The following CCM2 variants were observed in gnomAD, a reference collection of about 807,000 sequenced individuals.
CCM2 encodes cerebral cavernous malformations 2 protein.
Under a neutral mutation model 44.9 loss-of-function variants are expected in CCM2, and 25 were observed. That is an observed-to-expected ratio of 0.56 (90% CI 0.41 to 0.78). The LOEUF is 0.78. Among genes scored for constraint, CCM2 ranks in the 30% least tolerant of loss-of-function variants. The pLI, the probability that CCM2 is intolerant of heterozygous loss-of-function variation, is 0.00. For synonymous variants in CCM2, 219 were observed against 241.1 expected (o/e 0.91, Z 0.85); for missense variants, 481 against 580.6 (o/e 0.83, Z 1.76).
chr7:45,070,152 T>C, intron 6 of CCM2, 191 bp downstream of exon 6: 2 of 677,876 alleles, frequency 3.0e-6, no homozygotes, highest in South Asian at 3.8e-5. Flanking sequence ...CACCTGTCCT[T>C]GAGAGAGTTG....
chr7:45,041,640 A>C (rs964932979), intron 2 of CCM2, among the ~76,000 whole-genome samples: 1 of 152,234 alleles, frequency 6.6e-6, no homozygotes, highest in African/African-American at 2.4e-5. Flanking sequence ...CTCAGTGCAA[A>C]CCAAACATGA....
At chr7:45,013,272 A>G (rs896819947) in intron 1 of CCM2, among the ~76,000 whole-genome samples, 1 of 151,894 alleles carries the variant, frequency 6.6e-6, no homozygotes, top group South Asian at 2.1e-4. Flanking sequence ...TTTTTGGCAT[A>G]TATTTTCTTT....
At chr7:45,032,217 CTT>C (rs1015547680) in intron 1 of CCM2, among the ~76,000 whole-genome samples, 1 of 152,096 alleles carries the variant, frequency 6.6e-6, no homozygotes, top group African/African-American at 2.4e-5. Context: ...AAAAAAGAAA[CTT>C]AGGGTAGCTG....
intron 1 of CCM2, among the ~76,000 whole-genome samples, chr7:45,005,250 G>C (rs1358262751): frequency 6.6e-6 from 1 of 152,186 alleles, no homozygotes; most frequent in East Asian, 1.9e-4. Flanking sequence ...GCAACATAAG[G>C]CTGGTTACTT....
chr7:45,041,786 G>C (rs1365713860), intron 2 of CCM2, among the ~76,000 whole-genome samples: 1 of 152,190 alleles, frequency 6.6e-6, no homozygotes, highest in Non-Finnish European at 1.5e-5. Context: ...AAGGAACCTT[G>C]TGTGGTTCTG....
chr7:45,045,372 A>C (rs191863943), intron 2 of CCM2, among the ~76,000 whole-genome samples: 6 of 114,922 alleles, frequency 5.2e-5, no homozygotes, highest in African/African-American at 2.7e-4. Context: ...AATAAAAGAA[A>C]AATCACCGCT....
chr7:45,038,183 T>G, intron 1 of CCM2, 70 bp from the exon 2 acceptor site: 2 of 1,592,242 alleles, frequency 1.3e-6, no homozygotes, highest in Non-Finnish European at 1.7e-6. Context: ...TACTTCTGTT[T>G]GTTAACCATA....
At chr7:45,054,497 A>C (rs1019370217) in intron 2 of CCM2, among the ~76,000 whole-genome samples, 13 of 151,468 alleles carry the variant, frequency 8.6e-5, no homozygotes, top group Admixed American at 2.0e-4. Flanking sequence ...AAAAAAAAAA[A>C]CACTTATATC....
intron 1 of CCM2, among the ~76,000 whole-genome samples, chr7:45,017,757 GAA>G (rs1796323056): frequency 6.6e-6 from 1 of 152,148 alleles, no homozygotes; most frequent in African/African-American, 2.4e-5. Flanking sequence ...AAAAGGGAGG[GAA>G]TATAATGAGG....
intron 4 of CCM2, 84 bp from the exon 5 acceptor site, chr7:45,068,359 T>C: frequency 6.3e-7 from 1 of 1,583,072 alleles, no homozygotes; most frequent in African/African-American, 1.3e-5. Context: ...TCAGCCTGTT[T>C]CCATGGCGGC....
chr7:45,036,050 T>G (rs1055062193), intron 1 of CCM2, among the ~76,000 whole-genome samples: 2 of 152,140 alleles, frequency 1.3e-5, no homozygotes, highest in African/African-American at 2.4e-5. Context: ...ACCAGTTTGC[T>G]TAGTAAGTGG....
At chr7:45,034,952 T>C (rs1294968) in intron 1 of CCM2, among the ~76,000 whole-genome samples, 23,158 of 152,270 alleles carry the variant, frequency 0.15, 2,143 homozygotes, top group South Asian at 0.23. Flanking sequence ...ACCTCCTGCC[T>C]CAGCCTCCCA....
Position 45,075,761 on chromosome 7 carries a change from T to G in CCM2, c.1055-16T>G. Reference sequence around the variant, plus strand: ...GCCGAACTGGAGGTGCCATGCTGGGTGTTGTGTGTCTGCAGGTCTGAGGCC... The same window carrying G: ...GCCGAACTGGAGGTGCCATGCTGGGGGTTGTGTGTCTGCAGGTCTGAGGCC... On this transcript the variant is annotated splice_polypyrimidine_tract_variant and intron_variant, in intron 9 of 9. Coordinates refer to ENST00000258781, the MANE Select transcript of CCM2 (RefSeq NM_031443.4). The G allele has an allele frequency of 1.9e-6, 3 of 1,613,218 alleles. No individual in the cohort carries two copies. Among genetic ancestry groups the G allele is most frequent in the Non-Finnish European group, 2.5e-6 (3 of 1,179,934 alleles).
Position 45,000,370 on chromosome 7 carries a change from G to T in CCM2, c.30+7G>T. On this transcript the variant is annotated splice_region_variant and intron_variant, in intron 1 of 9. Transcript: ENST00000258781. The stretch of plus-strand genomic sequence containing the variant: ...GGGCAAGAAGGGCAAGAAGGTGAGC[G>T]TGCGCGGGGGCGTCCTACTGCTGTG... The T allele has an allele frequency of 7.7e-7, 1 of 1,300,090 alleles. No homozygotes were observed. The highest frequency in any genetic ancestry group is 9.8e-7 in the Non-Finnish European group (1 of 1,016,332). 80.5% of individuals were successfully genotyped at this position (1,300,090 alleles called of 1,614,324 possible). A position where few individuals can be genotyped will look rare whatever the true frequency, so the allele number is the denominator to read the frequency against.
intron 1 of CCM2, among the ~76,000 whole-genome samples, chr7:45,037,153 C>G (rs1261901661): frequency 6.6e-6 from 1 of 151,808 alleles, no homozygotes; most frequent in Non-Finnish European, 1.5e-5. Context: ...TTGCTTCCCC[C>G]CAGACCCCCA....
chr7:45,048,446 C>T (rs1286435155), intron 2 of CCM2, among the ~76,000 whole-genome samples: 1 of 152,202 alleles, frequency 6.6e-6, no homozygotes, highest in Admixed American at 6.5e-5. Flanking sequence ...CTGTGTGCAG[C>T]AACACTATTT....
chr7:45,011,362 A>G (rs947858154), intron 1 of CCM2, among the ~76,000 whole-genome samples: 2 of 151,598 alleles, frequency 1.3e-5, no homozygotes, highest in African/African-American at 4.9e-5. Flanking sequence ...ACACCCGGCT[A>G]ATTTTTGTAT....
chr7:45,063,880 C>G, intron 2 of CCM2, 38 bp from the exon 3 acceptor site: 3 of 1,404,982 alleles, frequency 2.1e-6, no homozygotes, highest in Non-Finnish European at 3.0e-6. Context: ...GGCTCAGCTC[C>G]CATTTCTCAT....
At chr7:45,064,106 C>T (rs1405442253) in intron 3 of CCM2, 105 bp downstream of exon 3, 2 of 774,552 alleles carry the variant, frequency 2.6e-6, no homozygotes, top group East Asian at 2.5e-5. Flanking sequence ...AGTCCCATCA[C>T]ATTATGGGTA....
Sources: gnomAD v4.1 joint callset for allele counts (sites outside exome capture counted in the v4.1 genomes callset) on GRCh38, gnomAD v4.1.1 for gene constraint, MANE v1.5 for transcripts, NCBI Gene and HGNC (gene_info 2026-07-23, HGNC 2026-07-21) for gene names.